NAALADL2: variants seen among roughly 807,000 people sequenced by gnomAD.
NAALADL2 encodes N-acetylated alpha-linked acidic dipeptidase like 2.
In NAALADL2, 76 loss-of-function variants were observed where a neutral mutation model predicts 87.2. The observed-to-expected ratio is 0.87, with a 90% CI of 0.72 to 1.05. The LOEUF is 1.05. Ranked by LOEUF, NAALADL2 falls within the 50% of genes least tolerant of loss-of-function variation. The pLI is 0.00. For missense variants in NAALADL2, 1,089 were observed against 945.8 expected (o/e 1.15, Z -1.99); for synonymous variants, 354 against 331.0 (o/e 1.07, Z -0.75).
At chr3:174,665,855 C>A (rs62284720) in intron 2 of NAALADL2, among the ~76,000 whole-genome samples, 11,928 of 152,214 alleles carry the variant, frequency 0.078, 696 homozygotes, top group South Asian at 0.27. Flanking sequence ...TACTTACCAG[C>A]AATCCTTGGT....
intron 1 of NAALADL2, among the ~76,000 whole-genome samples, chr3:175,026,561 A>G (rs1002049664): frequency 6.6e-6 from 1 of 151,758 alleles, no homozygotes; most frequent in African/African-American, 2.4e-5. Flanking sequence ...AGGCTGAGGC[A>G]GGAGAATTGC....
intron 2 of NAALADL2, among the ~76,000 whole-genome samples, chr3:175,112,069 GT>G (rs1233970190): frequency 2.0e-5 from 3 of 151,332 alleles, no homozygotes; most frequent in Non-Finnish European, 4.4e-5. Flanking sequence ...CATAAATAAG[GT>G]TTAGATGAGA....
At chr3:174,953,076 A>G (rs571747356) in intron 1 of NAALADL2, among the ~76,000 whole-genome samples, 7 of 152,112 alleles carry the variant, frequency 4.6e-5, no homozygotes, top group African/African-American at 1.7e-4. Flanking sequence ...GGAAGTTACT[A>G]TTATTATAAG....
At chr3:174,605,731 G>T (rs1031568032) in intron 2 of NAALADL2, among the ~76,000 whole-genome samples, 3 of 152,090 alleles carry the variant, frequency 2.0e-5, no homozygotes, top group African/African-American at 7.2e-5. Context: ...TCCACCTCTG[G>T]GGGCAGGGCA....
At chr3:174,639,358 A>AGG (rs1722951480) in intron 2 of NAALADL2, among the ~76,000 whole-genome samples, 1 of 152,244 alleles carries the variant, frequency 6.6e-6, no homozygotes, top group Non-Finnish European at 1.5e-5. Flanking sequence ...AATCAAACTA[A>AGG]GACCCAGGGG....
chr3:174,535,824 A>T (rs577165992), intron 1 of NAALADL2, among the ~76,000 whole-genome samples: 3 of 152,082 alleles, frequency 2.0e-5, no homozygotes, highest in Admixed American at 2.0e-4. Context: ...TCTGGATTGG[A>T]TTGCATTTTC....
At chr3:175,119,261 G>A (rs183259490) in intron 2 of NAALADL2, among the ~76,000 whole-genome samples, 10 of 151,730 alleles carry the variant, frequency 6.6e-5, no homozygotes, top group Admixed American at 4.0e-4. Flanking sequence ...TAACCAAACA[G>A]TATAAAAACA....
At chr3:175,616,472 T>C (rs1725368359) in intron 10 of NAALADL2, among the ~76,000 whole-genome samples, 1 of 152,162 alleles carries the variant, frequency 6.6e-6, no homozygotes, top group South Asian at 2.1e-4. Flanking sequence ...CTCATTTTTT[T>C]GCTCTTTCTA....
intron 9 of NAALADL2, among the ~76,000 whole-genome samples, chr3:175,571,760 C>T (rs1049643505): frequency 4.6e-5 from 7 of 152,244 alleles, no homozygotes; most frequent in Admixed American, 4.6e-4. Flanking sequence ...ATGTTTTTCT[C>T]TTAAGGGAAA....
intron 1 of NAALADL2, among the ~76,000 whole-genome samples, chr3:175,066,407 C>T (rs748792778): frequency 3.9e-5 from 6 of 152,028 alleles, no homozygotes; most frequent in African/African-American, 4.8e-5. Context: ...TACACCAAAC[C>T]GGAAGTTCCA....
intron 1 of NAALADL2, among the ~76,000 whole-genome samples, chr3:175,033,675 C>G (rs142680751): frequency 1.3e-5 from 2 of 152,098 alleles, no homozygotes; most frequent in Admixed American, 1.3e-4. Context: ...CTGGATACCA[C>G]ATTTTCACTG....
At chr3:175,397,184 C>T (rs1769908629) in intron 5 of NAALADL2, 1 of 152,066 alleles carries the variant, frequency 6.6e-6, no homozygotes, top group Admixed American at 6.6e-5. Flanking sequence ...TTTCAACCTC[C>T]TGTTAATGAG....
At chr3:174,787,895 GC>G (rs1717001822) in intron 3 of NAALADL2, among the ~76,000 whole-genome samples, 1 of 151,700 alleles carries the variant, frequency 6.6e-6, no homozygotes, top group African/African-American at 2.4e-5. Flanking sequence ...CAGCACTCCA[GC>G]TCTGAGTGAC....
intron 10 of NAALADL2, among the ~76,000 whole-genome samples, chr3:175,606,410 C>T (rs1246621091): frequency 2.1e-5 from 3 of 145,580 alleles, no homozygotes; most frequent in Admixed American, 6.9e-5. Context: ...TATATGAAAA[C>T]GCCTTTGCTG....
intron 1 of NAALADL2, among the ~76,000 whole-genome samples, chr3:174,920,653 G>A (rs145073926): frequency 1.3e-5 from 2 of 152,178 alleles, no homozygotes; most frequent in East Asian, 1.9e-4. Flanking sequence ...TATATTCGAC[G>A]GAATGGCACT....
intron 1 of NAALADL2, among the ~76,000 whole-genome samples, chr3:174,882,622 T>C (rs535705320): frequency 3.8e-4 from 50 of 130,698 alleles, no homozygotes; most frequent in East Asian, 6.4e-4. Context: ...TGCATATGCA[T>C]ATATGTGCAT....
intron 3 of NAALADL2, among the ~76,000 whole-genome samples, chr3:174,808,329 G>A (rs948593084): frequency 3.3e-5 from 5 of 152,026 alleles, no homozygotes; most frequent in African/African-American, 1.2e-4. Context: ...ATGTCATATG[G>A]GTGTTCAGTT....
At chr3:174,839,958 G>C (rs1723826158) in intron 3 of NAALADL2, among the ~76,000 whole-genome samples, 1 of 152,010 alleles carries the variant, frequency 6.6e-6, no homozygotes. Context: ...CCTTAAAGAA[G>C]TAAAAGTAGA....
chr3:174,926,020 A>C (rs184104699), intron 1 of NAALADL2, among the ~76,000 whole-genome samples: 33 of 152,332 alleles, frequency 2.2e-4, no homozygotes, highest in Admixed American at 5.2e-4. Flanking sequence ...AAATGACTTG[A>C]TAGAGCTGAA....
Sources: gnomAD v4.1 joint callset for allele counts (sites outside exome capture counted in the v4.1 genomes callset) on GRCh38, gnomAD v4.1.1 for gene constraint, MANE v1.5 for transcripts, NCBI Gene and HGNC (gene_info 2026-07-23, HGNC 2026-07-21) for gene names.